GLRA2: variants seen among roughly 807,000 people sequenced by gnomAD.
GLRA2 encodes glycine receptor alpha 2.
GLRA2 carries 11 observed loss-of-function variants against 31.6 expected under a neutral mutation model. The observed-to-expected ratio is 0.35, with a 90% CI of 0.22 to 0.58. The LOEUF is 0.58. GLRA2 is among the 20% of genes least tolerant of loss of function. The probability of loss-of-function intolerance (pLI) is 0.84; values close to 1 mark genes in which losing one functional copy is unlikely to be tolerated. For missense variants in GLRA2, 212 were observed against 351.8 expected, an observed-to-expected ratio of 0.60 and a Z score of 3.18; for synonymous variants, 132 against 134.0, an observed-to-expected ratio of 0.99 and a Z score of 0.10.
chrX:14,727,326 T>G (rs1162526117), intron 8 of GLRA2, among the ~76,000 whole-genome samples: 1 of 111,966 alleles, frequency 8.9e-6, no homozygotes. Flanking sequence ...CCCTGAGGCT[T>G]TGAAAGAATA....
At chrX:14,451,527 G>T in the GLRA2 span, among the ~76,000 whole-genome samples, 3 of 108,354 alleles carry the variant, frequency 2.8e-5, no homozygotes, top group Non-Finnish European at 5.7e-5. Context: ...CTACTCGGGA[G>T]GCTGAGGCAG....
intron 2 of GLRA2, among the ~76,000 whole-genome samples, chrX:14,542,300 A>G (rs1381271872): frequency 8.9e-6 from 1 of 112,127 alleles, no homozygotes; most frequent in Admixed American, 9.4e-5. Context: ...ATGTGTATAA[A>G]GCAAACATGC....
At chrX:14,617,286 G>A (rs992502262) in intron 7 of GLRA2, among the ~76,000 whole-genome samples, 2 of 111,806 alleles carry the variant, frequency 1.8e-5, no homozygotes, top group African/African-American at 6.5e-5. Flanking sequence ...TGTGGAGCAT[G>A]CAACACAGTG....
At chrX:14,609,410 G>C (rs2090374123) in intron 7 of GLRA2, among the ~76,000 whole-genome samples, 2 of 110,995 alleles carry the variant, frequency 1.8e-5, no homozygotes, top group African/African-American at 3.3e-5. Flanking sequence ...TAGAGGAAAG[G>C]GAAATTAGTA....
At chrX:14,562,507 A>G (rs937950230) in intron 2 of GLRA2, among the ~76,000 whole-genome samples, 10 of 112,042 alleles carry the variant, frequency 8.9e-5, no homozygotes, top group African/African-American at 3.2e-4. Flanking sequence ...GACAAATGCA[A>G]GGAGTTTATA....
intron 6 of GLRA2, among the ~76,000 whole-genome samples, chrX:14,607,783 T>C (rs780680494): frequency 9.9e-5 from 11 of 111,275 alleles, no homozygotes; most frequent in Non-Finnish European, 1.9e-4. Context: ...GAAAGTCAGC[T>C]GGCAGGAATT....
chrX:14,473,194 CAT>C, the GLRA2 span, among the ~76,000 whole-genome samples: 39 of 111,526 alleles, frequency 3.5e-4, no homozygotes, highest in African/African-American at 1.0e-3. Flanking sequence ...CATGGGAACA[CAT>C]GTTTGACCTC....
chrX:14,698,255 C>T (rs1460044480), intron 8 of GLRA2, among the ~76,000 whole-genome samples: 1 of 111,610 alleles, frequency 9.0e-6, no homozygotes, highest in African/African-American at 3.3e-5. Flanking sequence ...TGGGTACCCC[C>T]TCAGATTTTG....
At chrX:14,553,717 G>A (rs987883750) in intron 2 of GLRA2, among the ~76,000 whole-genome samples, 5 of 111,405 alleles carry the variant, frequency 4.5e-5, no homozygotes, top group African/African-American at 1.6e-4. Context: ...AGAATTAAAG[G>A]TGAATTAGTG....
chrX:14,499,035 C>T, the GLRA2 span, among the ~76,000 whole-genome samples: 3 of 112,153 alleles, frequency 2.7e-5, no homozygotes, highest in Admixed American at 9.4e-5. Context: ...AGATAAATTC[C>T]ATATCTTGGC....
Position 14,690,790 on chromosome X carries a change from G to A in GLRA2, c.1011G>A (p.Ala337=), listed in dbSNP as rs139404975. The change falls in exon 8 of 9, where the codon GCG becomes GCA. Residue 337 remains alanine (A), a synonymous_variant. Coordinates refer to ENST00000218075, the MANE Select transcript of GLRA2 (RefSeq NM_002063.4). ...FVFAALLEYA[A]VNFVSRQHKE... ...TTGCTGCCTTACTGGAATACGCAGC[G>A]GTGAACTTCGTCTCCAGGCAACACA... The A allele has an allele frequency of 6.7e-4, 803 of 1,198,680 alleles. 1 individual carries two copies. The highest frequency in any genetic ancestry group is 1.4e-3 in the African/African-American group (81 of 56,592).
chrX:14,691,898 C>T (rs758169221), intron 8 of GLRA2, among the ~76,000 whole-genome samples: 13 of 112,204 alleles, frequency 1.2e-4, no homozygotes, highest in Non-Finnish European at 1.3e-4. Flanking sequence ...AAATCTGTTC[C>T]AGAAAATATT....
intron 7 of GLRA2, among the ~76,000 whole-genome samples, chrX:14,615,562 G>T (rs1479964119): frequency 9.0e-6 from 1 of 111,010 alleles, no homozygotes; most frequent in Admixed American, 9.6e-5. Context: ...GAGGGGGAAG[G>T]AGCAAAGGAA....
At chrX:14,501,910 A>G in the GLRA2 span, among the ~76,000 whole-genome samples, 29 of 111,313 alleles carry the variant, frequency 2.6e-4, no homozygotes, top group South Asian at 0.011. Flanking sequence ...CTCCTCTTGG[A>G]TTGCAGATGA....
chrX:14,484,572 G>A, the GLRA2 span, among the ~76,000 whole-genome samples: 1 of 112,285 alleles, frequency 8.9e-6, no homozygotes, highest in Non-Finnish European at 1.9e-5. Flanking sequence ...GAGGGATGGA[G>A]TTCTTGGCAA....
Position 14,607,277 on chromosome X carries a change from CTTTT to C in GLRA2, c.715+21_715+24del. The stretch of plus-strand genomic sequence containing the variant: ...AAAGCACTACAACACTGGTAAGTTT[CTTTT>C]TTTTTTTTTTTCAGCTGTTAAACAC... On this transcript the variant is annotated intron_variant, in intron 6 of 8. Transcript: ENST00000218075. 1.9e-5 allele frequency: 19 copies of C among 980,413 alleles called. No individual in the cohort carries two copies. Among genetic ancestry groups the C allele is most frequent in the South Asian group, 2.4e-5 (1 of 41,878 alleles). 80.8% of individuals were successfully genotyped at this position (980,413 alleles called of 1,213,427 possible). A position where few individuals can be genotyped will look rare whatever the true frequency, so the allele number is the denominator to read the frequency against.
chrX:14,457,818 A>G, the GLRA2 span, among the ~76,000 whole-genome samples: 1 of 111,022 alleles, frequency 9.0e-6, no homozygotes. Flanking sequence ...TCCCACCAAC[A>G]GTGTAAAAGT....
chrX:14,543,144 G>A (rs929627629), intron 2 of GLRA2, among the ~76,000 whole-genome samples: 18 of 101,102 alleles, frequency 1.8e-4, no homozygotes, highest in Admixed American at 2.2e-4. Context: ...TATCTAAATC[G>A]AGACTCATGA....
intron 2 of GLRA2, among the ~76,000 whole-genome samples, chrX:14,532,887 A>G (rs2089275804): frequency 9.0e-6 from 1 of 111,150 alleles, no homozygotes; most frequent in African/African-American, 3.2e-5. Flanking sequence ...AAGCATTCTC[A>G]TTGTTTATTT....
Sources: gnomAD v4.1 joint callset for allele counts (sites outside exome capture counted in the v4.1 genomes callset) on GRCh38, gnomAD v4.1.1 for gene constraint, MANE v1.5 for transcripts, NCBI Gene and HGNC (gene_info 2026-07-23, HGNC 2026-07-21) for gene names.